The following KIRREL3 variants were observed in gnomAD, a reference collection of about 807,000 sequenced individuals.
KIRREL3 encodes kin of IRRE-like protein 3.
KIRREL3 carries 36 observed loss-of-function variants against 89.7 expected under a neutral mutation model. The observed-to-expected ratio is 0.40, with a 90% CI of 0.31 to 0.53. The LOEUF (loss-of-function observed/expected upper bound fraction) is 0.53. Ranked by LOEUF, KIRREL3 falls within the 20% of genes least tolerant of loss-of-function variation. The probability of loss-of-function intolerance (pLI) is 0.49; values close to 1 mark genes in which losing one functional copy is unlikely to be tolerated. For synonymous variants in KIRREL3, 445 were observed against 441.4 expected, an observed-to-expected ratio of 1.01 and a Z score of -0.10; for missense variants, 864 against 1,056.6, an observed-to-expected ratio of 0.82 and a Z score of 2.53.
In KIRREL3 at chr11:126,900,800, A is replaced by C. The variant is rs1946341321; in HGVS notation, c.55+99655T>G. 6.6e-6 allele frequency among the ~76,000 whole-genome samples: 1 copy of C among 152,232 alleles called. No homozygotes were observed. The highest frequency in any genetic ancestry group is 2.1e-4 in the South Asian group (1 of 4,828). On this transcript the variant is annotated intron_variant, in intron 1 of 16. Transcript: ENST00000525144. The surrounding 1 kb of genome is among the most constrained non-coding windows in gnomAD (Gnocchi z 4.4). ...CTTCAGGGCTGTTGAGCTCTTTCAG[A>C]GTATTCTGTTTGAGGGAATGCATTG...
chr11:126,810,999 C>T (rs112166214), intron 1 of KIRREL3, among the ~76,000 whole-genome samples: 226 of 152,242 alleles, frequency 1.5e-3, no homozygotes, highest in Non-Finnish European at 2.4e-3. Context: ...GCCTTGCAGC[C>T]GGTCTGACAA....
rs755765278 is a variant in KIRREL3 at position 126,579,116 on chromosome 11, A to G, written c.56-16204T>C. On this transcript the variant is annotated intron_variant, in intron 1 of 16. Transcript: ENST00000525144. The surrounding 1 kb of genome is among the most constrained non-coding windows in gnomAD (Gnocchi z 5.3). ...AAGGTCTTTGCACCAGAGCTCACCA[A>G]TGTCTCGGAGAGGTCCTCCCTTCCT... Among the ~76,000 whole-genome samples the G allele has an allele frequency of 1.3e-5, 2 of 151,868 alleles. No homozygotes were observed. The highest frequency in any genetic ancestry group is 2.9e-5 in the Non-Finnish European group (2 of 67,976).
At chr11:126,626,763 C>T (rs140539191) in intron 1 of KIRREL3, among the ~76,000 whole-genome samples, 5 of 152,298 alleles carry the variant, frequency 3.3e-5, no homozygotes, top group Admixed American at 2.0e-4. Flanking sequence ...AAGGCCGAGG[C>T]GGGCAGATCG....
intron 1 of KIRREL3, among the ~76,000 whole-genome samples, chr11:126,698,643 G>C (rs1343427549): frequency 3.3e-5 from 5 of 152,362 alleles, no homozygotes; most frequent in African/African-American, 1.2e-4. Context: ...AGGAGGAAGA[G>C]GAATGCAAAT....
chr11:126,794,392 C>A (rs190207294), intron 1 of KIRREL3, among the ~76,000 whole-genome samples: 6 of 152,148 alleles, frequency 3.9e-5, no homozygotes, highest in Non-Finnish European at 7.3e-5. Context: ...GGCAGAAGAC[C>A]AGATGCCAGC....
At chr11:126,941,264 CA>C (rs11338105) in intron 1 of KIRREL3, among the ~76,000 whole-genome samples, 14,242 of 151,450 alleles carry the variant, frequency 0.094, 749 homozygotes, top group African/African-American at 0.15. Flanking sequence ...AACAAACAAA[CA>C]AAAAACCCTC....
chr11:126,859,366 C>A (rs181923676), intron 1 of KIRREL3, among the ~76,000 whole-genome samples: 1,824 of 152,260 alleles, frequency 0.012, 33 homozygotes, highest in African/African-American at 0.041. Context: ...GGTCACTGAG[C>A]AACATTTAGC....
At chr11:126,939,581 T>A (rs1948350342) in intron 1 of KIRREL3, among the ~76,000 whole-genome samples, 1 of 152,174 alleles carries the variant, frequency 6.6e-6, no homozygotes, top group African/African-American at 2.4e-5. Flanking sequence ...TCTGGTAGGC[T>A]GCAAGCATCA....
intron 15 of KIRREL3, among the ~76,000 whole-genome samples, chr11:126,426,935 G>A (rs566512533): frequency 6.6e-6 from 1 of 152,180 alleles, no homozygotes; most frequent in Non-Finnish European, 1.5e-5. Context: ...TTGCAGATGG[G>A]GCTGTCTTGG....
intron 1 of KIRREL3, among the ~76,000 whole-genome samples, chr11:126,984,595 G>A (rs11822172): frequency 0.07 from 10,613 of 152,138 alleles, 859 homozygotes; most frequent in African/African-American, 0.19. Context: ...TCTTTGTTAT[G>A]CCTCATTTAC....
At position 126,668,693 on chromosome 11, in the gene KIRREL3, T is replaced by TTTTC. The variant is rs57753203; in HGVS notation, c.56-105785_56-105782dup. ...TAAAGAGCTGTTGGGAAGTTTCTGTTTTTCTTTCTTTCTTTCTTTCTTTCT... is the reference window on the plus strand; with the variant it reads ...TAAAGAGCTGTTGGGAAGTTTCTGTTTTTCTTTCTTTCTTTCTTTCTTTCTTTCT... On this transcript the variant is annotated intron_variant, in intron 1 of 16. Coordinates refer to ENST00000525144, the MANE Select transcript of KIRREL3 (RefSeq NM_032531.4). The surrounding 1 kb of genome is among the most constrained non-coding windows in gnomAD (Gnocchi z 4.4). Among the ~76,000 whole-genome samples the TTTTC allele has an allele frequency of 0.11, 14,476 of 126,472 alleles. 1,049 individuals are homozygous for TTTTC. Among genetic ancestry groups the TTTTC allele is most frequent in the African/African-American group, 0.14 (4,498 of 32,518 alleles). 83.0% of individuals were successfully genotyped at this position (126,472 alleles called of 152,430 possible).
chr11:126,973,838 A>T (rs966409607), intron 1 of KIRREL3, among the ~76,000 whole-genome samples: 5 of 152,174 alleles, frequency 3.3e-5, no homozygotes, highest in African/African-American at 1.2e-4. Context: ...TCAAATATTT[A>T]TTGTTGCTCC....
chr11:126,835,783 C>A (rs141687139), intron 1 of KIRREL3, among the ~76,000 whole-genome samples: 2 of 152,288 alleles, frequency 1.3e-5, no homozygotes, highest in Non-Finnish European at 2.9e-5. Flanking sequence ...TAGTGCCTTC[C>A]TTTGCCTAGG....
At position 126,999,066 on chromosome 11, in the gene KIRREL3, G is replaced by A. The variant is rs1950250411; in HGVS notation, c.55+1389C>T. 6.6e-6 allele frequency among the ~76,000 whole-genome samples: 1 copy of A among 151,450 alleles called. No individual in the cohort carries two copies. The highest frequency in any genetic ancestry group is 2.1e-4 in the South Asian group (1 of 4,800). ...TTCTGAGAGAGTTCTTATTCATTCAGCCTGAAACTCTGGGGAAGGCAATTT... is the reference window on the plus strand; with the variant it reads ...TTCTGAGAGAGTTCTTATTCATTCAACCTGAAACTCTGGGGAAGGCAATTT... On this transcript the variant is annotated intron_variant, in intron 1 of 16. Coordinates refer to ENST00000525144, the MANE Select transcript of KIRREL3 (RefSeq NM_032531.4). The surrounding 1 kb of genome is among the most constrained non-coding windows in gnomAD (Gnocchi z 5.7).
At chr11:126,815,439 T>C (rs1951531302) in intron 1 of KIRREL3, among the ~76,000 whole-genome samples, 1 of 152,198 alleles carries the variant, frequency 6.6e-6, no homozygotes, top group Non-Finnish European at 1.5e-5. Context: ...TAGCCGCTAT[T>C]TTGTGAGGTT....
rs1565449851 is a variant in KIRREL3, at chr11:126,948,857, C to T, written c.55+51598G>A. 6.6e-6 allele frequency among the ~76,000 whole-genome samples: 1 copy of T among 152,182 alleles called. No individual in the cohort carries two copies. Among genetic ancestry groups the T allele is most frequent in the Non-Finnish European group, 1.5e-5 (1 of 68,032 alleles). ...TCACCCTCAAAGCTTCTGAAGTGTC[C>T]ACATAATCCCCAACCCTACAGCCTC... On this transcript the variant is annotated intron_variant, in intron 1 of 16. Coordinates refer to ENST00000525144, the MANE Select transcript of KIRREL3 (RefSeq NM_032531.4). The surrounding 1 kb of genome is among the most constrained non-coding windows in gnomAD (Gnocchi z 4.5).
intron 1 of KIRREL3, among the ~76,000 whole-genome samples, chr11:126,692,139 C>T (rs532264117): frequency 3.9e-5 from 6 of 152,202 alleles, no homozygotes; most frequent in African/African-American, 1.4e-4. Flanking sequence ...AAAATAGGAC[C>T]ACCATCTGAT....
intron 4 of KIRREL3, among the ~76,000 whole-genome samples, chr11:126,478,643 G>GTGTA (rs200971602): frequency 1.4e-5 from 2 of 147,860 alleles, no homozygotes; most frequent in African/African-American, 5.4e-5. Flanking sequence ...GTGTGTATGT[G>GTGTA]TGTATGTATG....
Position 126,516,127 on chromosome 11 carries a change from C to T in KIRREL3, c.433+5188G>A, listed in dbSNP as rs1477532248. On this transcript the variant is annotated intron_variant, in intron 4 of 16. Coordinates refer to ENST00000525144, the MANE Select transcript of KIRREL3 (RefSeq NM_032531.4). This position sits in a 1 kb window ranked among gnomAD's most constrained non-coding sequence, Gnocchi z 4.9. Reference sequence around the variant, plus strand: ...GTTAAGGACACGTCACAGATTGGACCTTATCTGTTTTCCTCTCTCAGTATT... The same window carrying T: ...GTTAAGGACACGTCACAGATTGGACTTTATCTGTTTTCCTCTCTCAGTATT... Among the ~76,000 whole-genome samples, 1 of 152,162 alleles carries T rather than the reference C, an allele frequency of 6.6e-6. No individual in the cohort carries two copies. The highest frequency in any genetic ancestry group is 2.4e-5 in the African/African-American group (1 of 41,432).
Sources: gnomAD v4.1 joint callset for allele counts (sites outside exome capture counted in the v4.1 genomes callset) on GRCh38, gnomAD v4.1.1 for gene constraint, Gnocchi (gnomAD v3.1) non-coding constraint, MANE v1.5 for transcripts, NCBI Gene and HGNC (gene_info 2026-07-23, HGNC 2026-07-21) for gene names.